The following MINK1 variants were observed in gnomAD, a reference collection of about 807,000 sequenced individuals.
MINK1 encodes the protein misshapen like kinase 1, also known as misshapen-like kinase 1.
In MINK1, 46 loss-of-function variants were observed where a neutral mutation model predicts 178.4. That is an observed-to-expected ratio of 0.26 (90% CI 0.20 to 0.33). The LOEUF is 0.33. Ranked by LOEUF, MINK1 falls within the 10% of genes least tolerant of loss-of-function variation. The pLI, the probability that MINK1 is intolerant of heterozygous loss-of-function variation, is 1.00. For synonymous variants in MINK1, 797 were observed against 709.7 expected (o/e 1.12, Z -1.96); for missense variants, 1,366 against 1,814.9 (o/e 0.75, Z 4.49).
chr17:4,884,245 C>G, intron 4 of MINK1, 118 bp from the exon 5 acceptor site: 1 of 733,370 alleles, frequency 1.4e-6, no homozygotes, highest in Non-Finnish European at 2.4e-6. Context: ...CTAGCTCATA[C>G]CAGTTCTAAC....
intron 1 of MINK1, among the ~76,000 whole-genome samples, chr17:4,849,441 G>A (rs1911575824): frequency 6.6e-6 from 1 of 152,192 alleles, no homozygotes; most frequent in Admixed American, 6.5e-5. Context: ...ATTGAAGGCT[G>A]GGCGGCTCAG....
chr17:4,854,912 TAA>T, intron 1 of MINK1: 1 of 420,012 alleles, frequency 2.4e-6, no homozygotes. Flanking sequence ...AAGGCTTCAT[TAA>T]AAAGAGTCCA....
rs116616818 is a variant in MINK1, at chr17:4,842,321, G to C, written c.57+8681G>C. On this transcript the variant is annotated intron_variant, in intron 1 of 31. Coordinates refer to ENST00000355280, the MANE Select transcript of MINK1 (RefSeq NM_153827.5). ...GCAGAGTCTGGGACAGTGCATCGAA[G>C]AACTGTTTTTCCACCCGTATTGCCA... Among the ~76,000 whole-genome samples the C allele has an allele frequency of 6.7e-3, 1,016 of 152,092 alleles. 11 individuals are homozygous for C. Among genetic ancestry groups the C allele is most frequent in the African/African-American group, 0.023 (937 of 41,470 alleles).
At chr17:4,869,344 T>C (rs1915539597) in intron 1 of MINK1, among the ~76,000 whole-genome samples, 1 of 152,010 alleles carries the variant, frequency 6.6e-6, no homozygotes, top group Non-Finnish European at 1.5e-5. Flanking sequence ...TGGCACGATC[T>C]CGGCTCACTG....
At chr17:4,883,729 A>G (rs1262762433) in intron 4 of MINK1, among the ~76,000 whole-genome samples, 3 of 139,366 alleles carry the variant, frequency 2.2e-5, no homozygotes, top group Admixed American at 7.3e-5. Flanking sequence ...TAGTAGAGAC[A>G]GGGTTTCACC....
intron 16 of MINK1, 108 bp from the exon 17 acceptor site, chr17:4,892,041 T>C (rs2151049641): frequency 1.1e-6 from 1 of 937,068 alleles, no homozygotes; most frequent in Non-Finnish European, 1.6e-6. Flanking sequence ...GAACCTCAGT[T>C]TTCTCATCCA....
chr17:4,891,763 G>A (rs769526844), intron 16 of MINK1, 47 bp downstream of exon 16: 48 of 1,551,274 alleles, frequency 3.1e-5, no homozygotes, highest in Non-Finnish European at 4.1e-5. Flanking sequence ...AGCTAGTCAT[G>A]AAGAGAAGGA....
intron 13 of MINK1, chr17:4,890,266 G>A: frequency 1.5e-6 from 2 of 1,309,172 alleles, no homozygotes; most frequent in Non-Finnish European, 2.0e-6. Context: ...GACAGCTCGA[G>A]ATCCTTCAGC....
chr17:4,893,936 C>T (rs1969144764), intron 21 of MINK1, 52 bp from the exon 22 acceptor site: 1 of 1,441,886 alleles, frequency 6.9e-7, no homozygotes, highest in Non-Finnish European at 9.3e-7. Context: ...GCCTTTGGCA[C>T]TTCTGTGGCC....
intron 1 of MINK1, among the ~76,000 whole-genome samples, chr17:4,874,862 C>T (rs1479804592): frequency 2.6e-5 from 4 of 152,074 alleles, no homozygotes; most frequent in Non-Finnish European, 5.9e-5. Flanking sequence ...TTCCTTCCTC[C>T]CTCAGTGCCG....
At position 4,887,267 on chromosome 17, in the gene MINK1, T is replaced by G. The variant is rs953235078; in HGVS notation, c.1019+88T>G. On this transcript the variant is annotated intron_variant, in intron 11 of 31. Coordinates refer to ENST00000355280, the MANE Select transcript of MINK1 (RefSeq NM_153827.5). The surrounding 1 kb of genome is among the most constrained non-coding windows in gnomAD (Gnocchi z 7.6). ...TGCTTGGCTTTGGGGACTCTCAGCC[T>G]GGGGGTGGTGGGCACAGAGAGGTAG... 1.5e-6 allele frequency: 2 copies of G among 1,326,652 alleles called. No individual in the cohort carries two copies. The highest frequency in any genetic ancestry group is 2.9e-5 in the African/African-American group (2 of 68,398). The allele number at this position is 1,326,652 out of a possible 1,614,324, so 82.2% of individuals were successfully genotyped here. A position where few individuals can be genotyped will look rare whatever the true frequency, so the allele number is the denominator to read the frequency against.
intron 1 of MINK1, among the ~76,000 whole-genome samples, chr17:4,872,808 T>A (rs1428956825): frequency 6.6e-6 from 1 of 152,084 alleles, no homozygotes; most frequent in Non-Finnish European, 1.5e-5. Context: ...ATCCACCCTT[T>A]TTGGCTTCTT....
Position 4,896,253 on chromosome 17 carries a change from C to G in MINK1, c.3526C>G (p.Arg1176Gly). 1 of 1,606,508 alleles carries G rather than the reference C, an allele frequency of 6.2e-7. No homozygotes were observed. The highest frequency in any genetic ancestry group is 8.5e-7 in the Non-Finnish European group (1 of 1,176,074). Residue 1176 changes from arginine to glycine, a missense_variant, in exon 29 of 32, where the codon CGG becomes GGG. By Grantham distance (125) the Arg-to-Gly change is moderately radical (BLOSUM62 -2). Transcript: ENST00000355280. This position sits in a 1 kb window ranked among gnomAD's most constrained non-coding sequence, Gnocchi z 4.6. ...CGACCTGACAGTAGAGGAGGGGCAG[C>G]GGCTCAAGGTCATCTATGGCTCCAG... is the stretch of plus-strand genomic sequence containing the variant. ...LVDLTVEEGQ[R>G]LKVIYGSSAG...
chr17:4,897,984 T>TCC lies in MINK1; in HGVS notation c.*704_*705dup, dbSNP rs536198075. On this transcript the variant is annotated 3_prime_UTR_variant, in exon 32 of 32. Transcript: ENST00000355280. ...GTGAGCAGCAAGTAACCCTTCTCCC[T>TCC]CCCCCCCCACCCCTCCTCAATGTAG... The TCC allele has an allele frequency of 3.1e-5, 2 of 64,340 alleles. No individual in the cohort carries two copies. The highest frequency in any genetic ancestry group is 1.7e-4 in the Admixed American group (1 of 5,934). 4.0% of individuals were successfully genotyped at this position (64,340 alleles called of 1,614,324 possible). A position where few individuals can be genotyped will look rare whatever the true frequency, so the allele number is the denominator to read the frequency against.
chr17:4,897,027 T>G, intron 31 of MINK1, 177 bp from the exon 32 acceptor site: 2 of 871,602 alleles, frequency 2.3e-6, no homozygotes. Flanking sequence ...TGGTGCACCC[T>G]CTCCCCTAAC....
intron 1 of MINK1, among the ~76,000 whole-genome samples, chr17:4,852,008 A>C (rs1912063720): frequency 1.3e-5 from 2 of 150,696 alleles, no homozygotes; most frequent in Admixed American, 6.6e-5. Flanking sequence ...TCAAAAAAAA[A>C]AAAAAAAAAA....
rs761037282 is a variant in MINK1 at position 4,885,995 on chromosome 17, G to C, written c.694+30G>C. 5.0e-6 allele frequency: 8 copies of C among 1,613,358 alleles called. No individual in the cohort carries two copies. The highest frequency in any genetic ancestry group is 5.9e-6 in the Non-Finnish European group (7 of 1,179,350). ...GTTCTGAGTCTGCCGGGAGTGGGAG[G>C]GGAGGGAAAGGAAGGGCCCAGAGAG... On this transcript the variant is annotated intron_variant, in intron 8 of 31. Coordinates refer to ENST00000355280, the MANE Select transcript of MINK1 (RefSeq NM_153827.5). This position sits in a 1 kb window ranked among gnomAD's most constrained non-coding sequence, Gnocchi z 5.0.
chr17:4,834,862 G>A (rs879243008), intron 1 of MINK1: 1 of 520,080 alleles, frequency 1.9e-6, no homozygotes, highest in Non-Finnish European at 3.8e-6. Flanking sequence ...GGGAAAAGGC[G>A]GTCAGCCACA....
intron 1 of MINK1, among the ~76,000 whole-genome samples, chr17:4,876,973 C>T (rs1380620876): frequency 6.6e-6 from 1 of 151,890 alleles, no homozygotes; most frequent in Non-Finnish European, 1.5e-5. Context: ...CCTGTGGTCC[C>T]AGCTGTTCAG....
Sources: gnomAD v4.1 joint callset for allele counts (sites outside exome capture counted in the v4.1 genomes callset) on GRCh38, gnomAD v4.1.1 for gene constraint, Gnocchi (gnomAD v3.1) non-coding constraint, MANE v1.5 for transcripts, NCBI Gene and HGNC (gene_info 2026-07-23, HGNC 2026-07-21) for gene names.